IGSF11: variants seen among roughly 807,000 people sequenced by gnomAD.
The protein encoded by IGSF11 is immunoglobulin superfamily member 11.
Under a neutral mutation model 41.0 loss-of-function variants are expected in IGSF11, and 22 were observed. The observed-to-expected ratio is 0.54, with a 90% CI of 0.38 to 0.77. The LOEUF (loss-of-function observed/expected upper bound fraction) is 0.77. Among genes scored for constraint, IGSF11 ranks in the 30% least tolerant of loss-of-function variants. The pLI, the probability that IGSF11 is intolerant of heterozygous loss-of-function variation, is 0.00. For synonymous variants in IGSF11, 219 were observed against 201.3 expected (o/e 1.09, Z -0.74); for missense variants, 444 against 530.8 (o/e 0.84, Z 1.61).
intron 4 of IGSF11, among the ~76,000 whole-genome samples, chr3:118,923,657 G>T (rs1373869334): frequency 6.6e-6 from 1 of 152,094 alleles, no homozygotes; most frequent in East Asian, 1.9e-4. Context: ...ACTGCTCAAG[G>T]TCATCGCCAA....
intron 1 of IGSF11, among the ~76,000 whole-genome samples, chr3:119,120,075 G>C (rs1388912141): frequency 1.3e-5 from 2 of 152,200 alleles, no homozygotes; most frequent in African/African-American, 2.4e-5. Context: ...GACTGACCTT[G>C]AGGTCCTGTC....
upstream of IGSF11, among the ~76,000 whole-genome samples, chr3:119,035,960 C>T (rs1940873816): frequency 6.6e-6 from 1 of 152,000 alleles, no homozygotes; most frequent in African/African-American, 2.4e-5. Flanking sequence ...ATAATATGCA[C>T]AGAAGAAAAA....
intron 1 of IGSF11, among the ~76,000 whole-genome samples, chr3:118,980,112 A>AAAC (rs1189872985): frequency 4.6e-5 from 7 of 152,138 alleles, no homozygotes; most frequent in East Asian, 3.8e-4. Context: ...GACATTCAAA[A>AAAC]AACAACAACA....
In IGSF11 at chr3:119,145,340, T is replaced by C. The variant is rs115855338; in HGVS notation, c.-14+473A>G. Among the ~76,000 whole-genome samples, 478 of 152,334 alleles carry C rather than the reference T, an allele frequency of 3.1e-3. 2 individuals carry two copies. Among genetic ancestry groups the C allele is most frequent in the Middle Eastern group, 0.01 (3 of 294 alleles). Reference sequence around the variant, plus strand: ...CTCTGTACTGGCCTACTCCTGAAAGTAGACAGCCTACTGACTCTGAGGTGC... The same window carrying C: ...CTCTGTACTGGCCTACTCCTGAAAGCAGACAGCCTACTGACTCTGAGGTGC... On this transcript the variant is annotated intron_variant, in intron 1 of 7. Coordinates refer to the IGSF11 transcript ENST00000425327.
At chr3:119,109,688 T>A (rs904977787), upstream of IGSF11, among the ~76,000 whole-genome samples, 1 of 152,206 alleles carries the variant, frequency 6.6e-6, no homozygotes, top group Non-Finnish European at 1.5e-5. Flanking sequence ...TGTTAGGGTG[T>A]CAATTTTGGA....
Position 119,142,988 on chromosome 3 carries a change from A to T in IGSF11, c.-14+2825T>A, listed in dbSNP as rs2077670077. ...AAATACCATCAACCAGAAATTCTAC[A>T]TTCAGCAAAACTACCTTTCAGAAAT... On this transcript the variant is annotated intron_variant, in intron 1 of 7. Transcript: ENST00000425327. Among the ~76,000 whole-genome samples the T allele has an allele frequency of 1.3e-5, 2 of 152,204 alleles. 1 individual carries two copies. The highest frequency in any genetic ancestry group is 1.3e-4 in the Admixed American group (2 of 15,280).
chr3:118,927,334 CA>C (rs1942417525), intron 3 of IGSF11, among the ~76,000 whole-genome samples: 1 of 151,802 alleles, frequency 6.6e-6, no homozygotes, highest in Non-Finnish European at 1.5e-5. Flanking sequence ...TCTGGACAAA[CA>C]AAAAAGAAAT....
intron 1 of IGSF11, among the ~76,000 whole-genome samples, chr3:119,093,545 C>A (rs2076799702): frequency 6.6e-6 from 1 of 152,174 alleles, no homozygotes; most frequent in Non-Finnish European, 1.5e-5. Flanking sequence ...TCTTCAACGT[C>A]AATACCGAAA....
intron 1 of IGSF11, among the ~76,000 whole-genome samples, chr3:119,141,669 T>A (rs549819258): frequency 1.3e-5 from 2 of 149,194 alleles, no homozygotes; most frequent in South Asian, 4.2e-4. Flanking sequence ...TATCTATATA[T>A]CTAATATAGA....
intron 4 of IGSF11, among the ~76,000 whole-genome samples, chr3:118,922,710 A>T (rs1451794796): frequency 1.3e-5 from 2 of 152,142 alleles, no homozygotes; most frequent in Admixed American, 1.3e-4. Context: ...GTATTTTATA[A>T]GCAACAGAAA....
chr3:119,111,222 G>A (rs1191326182), intron 1 of IGSF11, among the ~76,000 whole-genome samples: 1 of 152,166 alleles, frequency 6.6e-6, no homozygotes, highest in East Asian at 1.9e-4. Context: ...TCACTTTCAG[G>A]TACACCAATC....
At chr3:119,104,968 A>G (rs985022006) in intron 1 of IGSF11, among the ~76,000 whole-genome samples, 2 of 152,214 alleles carry the variant, frequency 1.3e-5, no homozygotes, top group Non-Finnish European at 2.9e-5. Context: ...AGGGCTCAAT[A>G]AATATTTTTT....
At chr3:119,019,206 G>C (rs1398022214) in intron 1 of IGSF11, among the ~76,000 whole-genome samples, 1 of 151,730 alleles carries the variant, frequency 6.6e-6, no homozygotes, top group Admixed American at 6.6e-5. Context: ...GGCCAGATAA[G>C]GATCCTTGAT....
chr3:118,938,280 T>A (rs1053678488), intron 1 of IGSF11, among the ~76,000 whole-genome samples: 2 of 152,194 alleles, frequency 1.3e-5, no homozygotes, highest in Non-Finnish European at 2.9e-5. Flanking sequence ...CATTTAGGAA[T>A]CCCCTTTTGG....
intron 1 of IGSF11, among the ~76,000 whole-genome samples, chr3:118,989,999 G>A (rs1935634204): frequency 6.6e-6 from 1 of 152,062 alleles, no homozygotes; most frequent in African/African-American, 2.4e-5. Flanking sequence ...CAAAGGCTCG[G>A]GGTCATACTA....
At chr3:119,027,939 C>T (rs1043607412) in intron 1 of IGSF11, among the ~76,000 whole-genome samples, 2 of 152,124 alleles carry the variant, frequency 1.3e-5, no homozygotes, top group African/African-American at 4.8e-5. Context: ...ATATGTCCTG[C>T]AAGAAGTGAT....
intron 1 of IGSF11, among the ~76,000 whole-genome samples, chr3:119,074,002 C>A (rs1209596254): frequency 1.3e-5 from 2 of 152,168 alleles, no homozygotes; most frequent in African/African-American, 4.8e-5. Context: ...CACTGGAGCA[C>A]CCCGATTCAT....
At chr3:119,083,126 C>CTTTTTTTTTTT (rs79620142) in intron 1 of IGSF11, among the ~76,000 whole-genome samples, 3 of 129,118 alleles carry the variant, frequency 2.3e-5, no homozygotes, top group Non-Finnish European at 3.2e-5. Context: ...TTTCTTTTTT[C>CTTTTTTTTTTT]TTTTTTTTTT....
chr3:119,052,039 A>G (rs1941646069), intron 1 of IGSF11, among the ~76,000 whole-genome samples: 1 of 152,190 alleles, frequency 6.6e-6, no homozygotes, highest in Non-Finnish European at 1.5e-5. Flanking sequence ...AAAGAGCACA[A>G]ATAGACAATC....
Sources: gnomAD v4.1 joint callset for allele counts (sites outside exome capture counted in the v4.1 genomes callset) on GRCh38, gnomAD v4.1.1 for gene constraint, MANE v1.5 for transcripts, NCBI Gene and HGNC (gene_info 2026-07-23, HGNC 2026-07-21) for gene names.